STOX1: variants seen among roughly 807,000 people sequenced by gnomAD.
The protein encoded by STOX1 is storkhead box 1, also known as storkhead-box protein 1.
STOX1 carries 57 observed loss-of-function variants against 74.8 expected under a neutral mutation model. That is an observed-to-expected ratio of 0.76 (90% CI 0.62 to 0.95). The LOEUF is 0.95. STOX1 is among the 40% of genes least tolerant of loss of function. The pLI is 0.00. For missense variants in STOX1, 1,010 were observed against 1,117.0 expected (o/e 0.90, Z 1.37); for synonymous variants, 375 against 401.3 (o/e 0.93, Z 0.78).
chr10:68,877,942 A>C (rs981080055), intron 1 of STOX1, among the ~76,000 whole-genome samples: 1 of 152,148 alleles, frequency 6.6e-6, no homozygotes, highest in African/African-American at 2.4e-5. Flanking sequence ...GATTTGGAGA[A>C]AGGGGGTTCT....
intron 1 of STOX1, among the ~76,000 whole-genome samples, chr10:68,872,933 T>C (rs1292668651): frequency 6.6e-6 from 1 of 152,148 alleles, no homozygotes; most frequent in East Asian, 1.9e-4. Context: ...TTTTTTCCCC[T>C]TAACGGTACA....
chr10:68,868,221 C>T (rs192422811), intron 1 of STOX1, among the ~76,000 whole-genome samples: 1 of 152,332 alleles, frequency 6.6e-6, no homozygotes, highest in East Asian at 1.9e-4. Flanking sequence ...GATCGGGGGG[C>T]TAACAGCCTT....
rs112507554 is a variant in STOX1 at position 68,852,320 on chromosome 10, G to A, written c.310+24387G>A. 7.3e-4 allele frequency among the ~76,000 whole-genome samples: 100 copies of A among 137,880 alleles called. No homozygotes were observed. The South Asian group carries it at 8.1e-3, about 11-fold the overall frequency. 90.5% of individuals were successfully genotyped at this position (137,880 alleles called of 152,430 possible). ...AGGCCGGACTGTGGACTGCAGTGGCGCAATCTCGGCTCACTGCAAGCTCCG... is the reference window on the plus strand; with the variant it reads ...AGGCCGGACTGTGGACTGCAGTGGCACAATCTCGGCTCACTGCAAGCTCCG... On this transcript the variant is annotated intron_variant, in intron 1 of 3. Coordinates refer to ENST00000298596, the MANE Select transcript of STOX1 (RefSeq NM_152709.5).
At chr10:68,855,420 C>A (rs897857034) in intron 1 of STOX1, among the ~76,000 whole-genome samples, 2 of 150,236 alleles carry the variant, frequency 1.3e-5, no homozygotes, top group Non-Finnish European at 1.5e-5. Flanking sequence ...GGTGCCTGGC[C>A]AAAAAAATTT....
chr10:68,829,165 A>T (rs1051010495), intron 1 of STOX1, among the ~76,000 whole-genome samples: 1 of 152,194 alleles, frequency 6.6e-6, no homozygotes, highest in East Asian at 1.9e-4. Flanking sequence ...TCCGAGGAGA[A>T]GGAGTCGCAA....
At chr10:68,860,018 G>A (rs60703766) in intron 1 of STOX1, among the ~76,000 whole-genome samples, 4,126 of 152,004 alleles carry the variant, frequency 0.027, 227 homozygotes, top group African/African-American at 0.094. Context: ...GCGGCTATGC[G>A]TGGTGGCTCA....
intron 1 of STOX1, among the ~76,000 whole-genome samples, chr10:68,838,087 G>A (rs1475853097): frequency 6.7e-6 from 1 of 149,344 alleles, no homozygotes; most frequent in Admixed American, 6.7e-5. Flanking sequence ...TCCTTTTTGA[G>A]ATAGGGTCTG....
chr10:68,860,269 G>GC (rs1233901165), intron 1 of STOX1, among the ~76,000 whole-genome samples: 2 of 150,838 alleles, frequency 1.3e-5, no homozygotes, highest in African/African-American at 4.9e-5. Context: ...CTCTGTCTCG[G>GC]TGGGGGAAAG....
At chr10:68,828,278 G>A in intron 1 of STOX1, 2 of 1,163,868 alleles carry the variant, frequency 1.7e-6, no homozygotes, top group Non-Finnish European at 2.1e-6. Context: ...GGGTGAGTGC[G>A]GGACCCGGAG....
At chr10:68,843,145 C>G (rs1839737930) in intron 1 of STOX1, among the ~76,000 whole-genome samples, 1 of 152,094 alleles carries the variant, frequency 6.6e-6, no homozygotes, top group Admixed American at 6.5e-5. Context: ...CTCAAGCCAT[C>G]CTTCTGCCTC....
chr10:68,851,655 A>G (rs1839986275), intron 1 of STOX1, among the ~76,000 whole-genome samples: 2 of 152,094 alleles, frequency 1.3e-5, no homozygotes, highest in Admixed American at 6.6e-5. Flanking sequence ...AGCCTAGCCA[A>G]CATGGTGAAA....
chr10:68,835,146 A>G (rs982441474), intron 1 of STOX1, among the ~76,000 whole-genome samples: 3 of 151,902 alleles, frequency 2.0e-5, no homozygotes, highest in Non-Finnish European at 4.4e-5. Flanking sequence ...GGTTTAAGCA[A>G]TTCTCCTGCC....
At chr10:68,872,265 G>A (rs1338093074) in intron 1 of STOX1, among the ~76,000 whole-genome samples, 1 of 150,696 alleles carries the variant, frequency 6.6e-6, no homozygotes, top group Non-Finnish European at 1.5e-5. Flanking sequence ...GGGACTAAAT[G>A]TTCTTATAGT....
intron 1 of STOX1, among the ~76,000 whole-genome samples, chr10:68,870,853 ATG>A (rs1227983660): frequency 6.6e-6 from 1 of 152,186 alleles, no homozygotes; most frequent in Non-Finnish European, 1.5e-5. Flanking sequence ...AAAAACCTAA[ATG>A]AGAGTGAAAA....
intron 1 of STOX1, among the ~76,000 whole-genome samples, chr10:68,872,201 T>C (rs925567347): frequency 1.3e-5 from 2 of 152,146 alleles, no homozygotes; most frequent in African/African-American, 4.8e-5. Flanking sequence ...AGGTCAATAA[T>C]GCATGAATTT....
At chr10:68,868,091 G>T (rs991343536) in intron 1 of STOX1, among the ~76,000 whole-genome samples, 2 of 152,220 alleles carry the variant, frequency 1.3e-5, no homozygotes, top group Non-Finnish European at 2.9e-5. Flanking sequence ...GCGACCCTTC[G>T]ATCCGGGTTC....
intron 1 of STOX1, among the ~76,000 whole-genome samples, chr10:68,837,028 T>A (rs1400370063): frequency 6.6e-6 from 1 of 152,206 alleles, no homozygotes; most frequent in East Asian, 1.9e-4. Flanking sequence ...TGCAGTCGTT[T>A]GTTAGGTATG....
At chr10:68,883,160 G>A (rs1402087177) in intron 2 of STOX1, among the ~76,000 whole-genome samples, 1 of 150,446 alleles carries the variant, frequency 6.6e-6, no homozygotes, top group East Asian at 2.0e-4. Flanking sequence ...GGCGGATCAC[G>A]AGGTCAAGAG....
intron 1 of STOX1, among the ~76,000 whole-genome samples, chr10:68,863,524 T>C (rs1284258468): frequency 1.3e-5 from 2 of 152,144 alleles, no homozygotes; most frequent in Non-Finnish European, 2.9e-5. Flanking sequence ...TATCTGTGTT[T>C]GACACCAGAG....
Sources: allele counts gnomAD v4.1 joint callset (sites outside exome capture counted in the v4.1 genomes callset), GRCh38; gene constraint gnomAD v4.1.1; transcripts MANE v1.5; gene names NCBI Gene and HGNC (gene_info 2026-07-23, HGNC 2026-07-21).